Variants in HDHD2 observed in about 807,000 individuals in gnomAD.
HDHD2 encodes the protein haloacid dehalogenase-like hydrolase domain-containing protein 2.
Under a neutral mutation model 24.8 loss-of-function variants are expected in HDHD2, and 26 were observed. That is an observed-to-expected ratio of 1.05 (90% CI 0.77 to 1.45). The LOEUF (loss-of-function observed/expected upper bound fraction) is 1.45. Ranked by LOEUF, HDHD2 falls within the 40% of genes most tolerant of loss-of-function variation. HDHD2 has a pLI of 0.00. For synonymous variants in HDHD2, 128 were observed against 114.9 expected (o/e 1.11, Z -0.73); for missense variants, 299 against 313.4 (o/e 0.95, Z 0.35).
At chr18:47,144,482 C>T (rs1405765636) in intron 1 of HDHD2, among the ~76,000 whole-genome samples, 1 of 152,128 alleles carries the variant, frequency 6.6e-6, no homozygotes, top group Non-Finnish European at 1.5e-5. Flanking sequence ...GTGCTGGACC[C>T]AATTTGCAGA....
intron 1 of HDHD2, among the ~76,000 whole-genome samples, chr18:47,138,465 T>C (rs2063788607): frequency 6.6e-6 from 1 of 152,146 alleles, no homozygotes; most frequent in Admixed American, 6.5e-5. Context: ...GGCATCTAAA[T>C]GCAATGCATG....
intron 4 of HDHD2, among the ~76,000 whole-genome samples, chr18:47,118,867 T>C (rs1258369661): frequency 6.6e-6 from 1 of 152,098 alleles, no homozygotes; most frequent in East Asian, 1.9e-4. Flanking sequence ...TGCTGGAAGC[T>C]GGAACCTGAA....
intron 4 of HDHD2, among the ~76,000 whole-genome samples, chr18:47,122,424 G>A (rs913420238): frequency 2.0e-5 from 3 of 152,082 alleles, no homozygotes; most frequent in Non-Finnish European, 4.4e-5. Flanking sequence ...TACCCATCAT[G>A]TGCCAGTACC....
At chr18:47,136,315 A>C (rs972207721) in intron 2 of HDHD2, 24 bp downstream of exon 2, 1 of 1,613,110 alleles carries the variant, frequency 6.2e-7, no homozygotes, top group African/African-American at 1.3e-5. Context: ...CATATTTGTC[A>C]GCTGAACCTG....
intron 5 of HDHD2, among the ~76,000 whole-genome samples, chr18:47,113,946 G>C (rs1165826665): frequency 6.6e-6 from 1 of 152,048 alleles, no homozygotes; most frequent in East Asian, 1.9e-4. Flanking sequence ...GAGACGGTGG[G>C]GGGCAGGGAA....
chr18:47,137,325 T>A, intron 1 of HDHD2: 1 of 393,264 alleles, frequency 2.5e-6, no homozygotes, highest in South Asian at 2.4e-5. Flanking sequence ...GCTTCTTTAC[T>A]CCAGAATTCT....
At chr18:47,137,178 C>A in intron 1 of HDHD2, 1 of 703,806 alleles carries the variant, frequency 1.4e-6, no homozygotes, top group Non-Finnish European at 2.7e-6. Context: ...CAGGGATTGT[C>A]AATGAGGCAG....
At chr18:47,140,074 A>G (rs914493724) in intron 1 of HDHD2, among the ~76,000 whole-genome samples, 1 of 152,190 alleles carries the variant, frequency 6.6e-6, no homozygotes, top group Non-Finnish European at 1.5e-5. Flanking sequence ...TTTTTTACCA[A>G]TTGCTTAGTT....
intron 4 of HDHD2, among the ~76,000 whole-genome samples, chr18:47,127,079 T>C (rs1039969877): frequency 2.0e-5 from 3 of 152,058 alleles, no homozygotes; most frequent in African/African-American, 4.8e-5. Context: ...GAGAATGGCA[T>C]GAACCCGGAA....
chr18:47,113,038 A>G lies in HDHD2; in HGVS notation c.615T>C (p.Asp205=), dbSNP rs1242463013. The G allele has an allele frequency of 1.2e-6, 2 of 1,614,038 alleles. No individual in the cohort carries two copies. The highest frequency in any genetic ancestry group is 2.2e-5 in the South Asian group (2 of 91,078). Residue 205 remains aspartate, a splice_region_variant and synonymous_variant, in exon 6 of 7, where the codon GAT becomes GAC. Transcript: ENST00000300605. ...GAGCCCCACCAACATCATCCCTGCA[A>G]TCCTAGAAAAGCATAAAGAAAGCAT... is the stretch of plus-strand genomic sequence containing the variant. The part of the protein sequence containing the change: ...EPEEAVMIGD[D]CRDDVGGAQD...
chr18:47,111,440 T>C, intron 6 of HDHD2: 2 of 981,780 alleles, frequency 2.0e-6, no homozygotes, highest in Non-Finnish European at 2.4e-6. Context: ...AAAATAGTTA[T>C]CTAAGGATTT....
At chr18:47,144,067 A>G (rs1031016141) in intron 1 of HDHD2, among the ~76,000 whole-genome samples, 1 of 151,626 alleles carries the variant, frequency 6.6e-6, no homozygotes, top group Non-Finnish European at 1.5e-5. Flanking sequence ...AATTATACAC[A>G]TGTGTGTGTG....
At chr18:47,145,646 C>T (rs1568063912) in intron 1 of HDHD2, among the ~76,000 whole-genome samples, 1 of 152,174 alleles carries the variant, frequency 6.6e-6, no homozygotes, top group African/African-American at 2.4e-5. Flanking sequence ...TAAACAACCA[C>T]ATGTTTAAGG....
chr18:47,141,617 C>T (rs1027486250), intron 1 of HDHD2, among the ~76,000 whole-genome samples: 2 of 151,928 alleles, frequency 1.3e-5, no homozygotes, highest in Non-Finnish European at 2.9e-5. Context: ...TTATTCTATT[C>T]TTTGTGCCAT....
At chr18:47,110,671 G>C in intron 6 of HDHD2, 1 of 985,276 alleles carries the variant, frequency 1.0e-6, no homozygotes, top group Non-Finnish European at 1.2e-6. Context: ...TTCGTTGAGT[G>C]AATGGAGCTG....
At chr18:47,110,260 T>C in intron 6 of HDHD2, 1 of 985,414 alleles carries the variant, frequency 1.0e-6, no homozygotes, top group East Asian at 1.1e-4. Flanking sequence ...TCTTACTGAT[T>C]ATAACTTCTT....
At chr18:47,120,496 T>C (rs2063595601) in intron 4 of HDHD2, among the ~76,000 whole-genome samples, 2 of 152,218 alleles carry the variant, frequency 1.3e-5, no homozygotes, top group Admixed American at 6.5e-5. Flanking sequence ...TGTGGCTGGT[T>C]TGAGCTTCTA....
chr18:47,131,790 C>T (rs763886289), intron 3 of HDHD2, among the ~76,000 whole-genome samples: 27 of 152,192 alleles, frequency 1.8e-4, no homozygotes, highest in South Asian at 4.2e-4. Flanking sequence ...GACTCCTGAA[C>T]GCAGTTTAAG....
chr18:47,138,806 C>T (rs969637372), intron 1 of HDHD2, among the ~76,000 whole-genome samples: 1 of 152,172 alleles, frequency 6.6e-6, no homozygotes, highest in Non-Finnish European at 1.5e-5. Context: ...GTCAAAAGAC[C>T]CTCATTCCAG....
Sources: allele counts gnomAD v4.1 joint callset (sites outside exome capture counted in the v4.1 genomes callset), GRCh38; gene constraint gnomAD v4.1.1; transcripts MANE v1.5; gene names NCBI Gene and HGNC (gene_info 2026-07-23, HGNC 2026-07-21).